Variants in RABGAP1L observed in about 807,000 individuals in gnomAD.
RABGAP1L encodes the protein rab GTPase-activating protein 1-like.
Under a neutral mutation model 137.7 loss-of-function variants are expected in RABGAP1L, and 63 were observed. The observed-to-expected ratio is 0.46, with a 90% CI of 0.37 to 0.56. RABGAP1L has a LOEUF of 0.56. RABGAP1L is among the 20% of genes least tolerant of loss of function. The pLI is 0.00. For synonymous variants in RABGAP1L, 431 were observed against 433.7 expected (o/e 0.99, Z 0.08); for missense variants, 1,095 against 1,244.0 (o/e 0.88, Z 1.80).
intron 13 of RABGAP1L, among the ~76,000 whole-genome samples, chr1:174,564,095 T>C (rs1046836949): frequency 1.3e-5 from 2 of 152,168 alleles, no homozygotes; most frequent in Non-Finnish European, 2.9e-5. Context: ...TTCTTAGAAA[T>C]GCACATTTTA....
intron 13 of RABGAP1L, among the ~76,000 whole-genome samples, chr1:174,548,958 C>T (rs562516980): frequency 2.6e-5 from 4 of 151,896 alleles, no homozygotes; most frequent in Non-Finnish European, 5.9e-5. Flanking sequence ...TGTGCTTATC[C>T]CATGAAGATT....
At chr1:174,509,343 C>G (rs1335222004) in intron 13 of RABGAP1L, among the ~76,000 whole-genome samples, 1 of 152,098 alleles carries the variant, frequency 6.6e-6, no homozygotes, top group Non-Finnish European at 1.5e-5. Context: ...CATTTTTCTT[C>G]TCTTTTGTCT....
At chr1:174,372,031 A>G (rs1685152009) in intron 12 of RABGAP1L, among the ~76,000 whole-genome samples, 1 of 152,130 alleles carries the variant, frequency 6.6e-6, no homozygotes, top group African/African-American at 2.4e-5. Flanking sequence ...TATTGTTTTT[A>G]AGGAGATAAA....
chr1:174,296,310 C>T (rs996107136), intron 10 of RABGAP1L, among the ~76,000 whole-genome samples: 1 of 152,206 alleles, frequency 6.6e-6, no homozygotes, highest in African/African-American at 2.4e-5. Context: ...TCCCAGCCCT[C>T]TGTGCATCTG....
At chr1:174,527,623 A>G (rs934248653) in intron 13 of RABGAP1L, among the ~76,000 whole-genome samples, 2 of 152,170 alleles carry the variant, frequency 1.3e-5, no homozygotes, top group East Asian at 1.9e-4. Context: ...TTTTTGGATA[A>G]CAATCTCTGT....
At chr1:174,918,604 G>C (rs1661264014) in intron 19 of RABGAP1L, among the ~76,000 whole-genome samples, 1 of 152,080 alleles carries the variant, frequency 6.6e-6, no homozygotes, top group African/African-American at 2.4e-5. Context: ...GCAACATAGT[G>C]AAACCTCGTC....
At chr1:174,880,758 A>AT (rs1573638467) in intron 19 of RABGAP1L, among the ~76,000 whole-genome samples, 2 of 151,182 alleles carry the variant, frequency 1.3e-5, no homozygotes, top group Admixed American at 6.6e-5. Context: ...CCCCCGGCTA[A>AT]TTTTTTTTTA....
intron 19 of RABGAP1L, among the ~76,000 whole-genome samples, chr1:174,866,931 T>A (rs1003851125): frequency 5.1e-4 from 63 of 123,514 alleles, no homozygotes; most frequent in Middle Eastern, 4.1e-3. Context: ...TTTTTTTTTT[T>A]AAATTTAAAA....
At chr1:174,589,400 T>G (rs757429239) in intron 13 of RABGAP1L, among the ~76,000 whole-genome samples, 12 of 152,218 alleles carry the variant, frequency 7.9e-5, no homozygotes, top group Non-Finnish European at 1.5e-4. Context: ...TTTTGTAGAT[T>G]ATCTCTTCAC....
At chr1:174,502,661 T>C (rs1661421295) in intron 13 of RABGAP1L, among the ~76,000 whole-genome samples, 1 of 148,502 alleles carries the variant, frequency 6.7e-6, no homozygotes. Flanking sequence ...CATATATATG[T>C]GTGTGTGTAT....
chr1:174,748,295 A>G (rs1280602317), intron 17 of RABGAP1L, among the ~76,000 whole-genome samples: 2 of 152,170 alleles, frequency 1.3e-5, no homozygotes, highest in African/African-American at 2.4e-5. Flanking sequence ...TGGGAAAGCT[A>G]GTGTAGTTTA....
At chr1:174,256,549 G>A (rs1019243693) in intron 7 of RABGAP1L, among the ~76,000 whole-genome samples, 2 of 152,170 alleles carry the variant, frequency 1.3e-5, no homozygotes, top group Non-Finnish European at 2.9e-5. Flanking sequence ...TTGGGAGGCC[G>A]AGGCGGGCAG....
At chr1:174,985,650 C>T (rs1360399190) in intron 24 of RABGAP1L, among the ~76,000 whole-genome samples, 2 of 152,112 alleles carry the variant, frequency 1.3e-5, no homozygotes, top group African/African-American at 4.8e-5. Context: ...CATGATCACC[C>T]CCCAGTTCAT....
chr1:174,540,676 A>G (rs143927696), intron 13 of RABGAP1L, among the ~76,000 whole-genome samples: 27,019 of 150,144 alleles, frequency 0.18, 6,345 homozygotes, highest in African/African-American at 0.54. Flanking sequence ...TACCAGTACC[A>G]TGCTGTTTTG....
chr1:174,723,074 T>G (rs1681703126), intron 17 of RABGAP1L, among the ~76,000 whole-genome samples: 1 of 151,916 alleles, frequency 6.6e-6, no homozygotes, highest in South Asian at 2.1e-4. Flanking sequence ...ATTTGCTGGG[T>G]TTTTTTGTTT....
intron 11 of RABGAP1L, 69 bp downstream of exon 11, chr1:174,305,196 T>A: frequency 7.1e-7 from 1 of 1,401,294 alleles, no homozygotes; most frequent in African/African-American, 1.5e-5. Flanking sequence ...TCAGAGGAGG[T>A]GTGTGTGTTG....
Position 174,828,410 on chromosome 1 carries a change from C to G in RABGAP1L, c.2340+16450C>G, listed in dbSNP as rs147257595. Reference sequence around the variant, plus strand: ...CACACACCTCAGGTTGGCACACTTCCCTTTCACTCATACCAATATGCCATG... The same window carrying G: ...CACACACCTCAGGTTGGCACACTTCGCTTTCACTCATACCAATATGCCATG... On this transcript the variant is annotated intron_variant, in intron 19 of 25. Coordinates refer to ENST00000681986, the MANE Select transcript of RABGAP1L (RefSeq NM_001366446.1). Among the ~76,000 whole-genome samples, 122 of 147,972 alleles carry G rather than the reference C, an allele frequency of 8.2e-4. 6 individuals carry two copies. The highest frequency in any genetic ancestry group is 2.7e-3 in the African/African-American group (111 of 40,620).
At chr1:174,693,207 A>G (rs1678999808) in intron 15 of RABGAP1L, among the ~76,000 whole-genome samples, 1 of 152,234 alleles carries the variant, frequency 6.6e-6, no homozygotes, top group Admixed American at 6.5e-5. Flanking sequence ...AATAAAAATC[A>G]GATCCGCTGC....
At chr1:174,927,022 G>A (rs1662949998) in intron 19 of RABGAP1L, among the ~76,000 whole-genome samples, 1 of 151,562 alleles carries the variant, frequency 6.6e-6, no homozygotes, top group East Asian at 1.9e-4. Context: ...GCAGTGAGCT[G>A]AGATTGCACC....
Sources: allele counts gnomAD v4.1 joint callset (sites outside exome capture counted in the v4.1 genomes callset), GRCh38; gene constraint gnomAD v4.1.1; transcripts MANE v1.5; gene names NCBI Gene and HGNC (gene_info 2026-07-23, HGNC 2026-07-21).